Variants in FAN1 observed in about 807,000 individuals in gnomAD.
The protein encoded by FAN1 is FANCD2 and FANCI associated nuclease 1, also known as fanconi-associated nuclease 1.
A neutral mutation model predicts 104.9 loss-of-function variants in FAN1; 91 were observed. The observed-to-expected ratio is 0.87, with a 90% CI of 0.73 to 1.03. The LOEUF (loss-of-function observed/expected upper bound fraction) is 1.03, where lower values mean the gene tolerates loss of function less well. Ranked by LOEUF, FAN1 falls within the 50% of genes least tolerant of loss-of-function variation. FAN1 has a pLI of 0.00. For synonymous variants in FAN1, 478 were observed against 457.6 expected (o/e 1.04, Z -0.57); for missense variants, 1,263 against 1,239.9 (o/e 1.02, Z -0.28).
chr15:30,905,678 G>T lies in FAN1; in HGVS notation c.1015G>T (p.Ala339Ser), dbSNP rs1356513452. 3.7e-6 allele frequency: 6 copies of T among 1,613,960 alleles called. No homozygotes were observed. Among genetic ancestry groups the T allele is most frequent in the Non-Finnish European group, 5.1e-6 (6 of 1,179,954 alleles). Residue 339 changes from alanine to serine, a missense_variant, in exon 2 of 15, where the codon GCT (alanine) becomes TCT (serine). Physicochemically the swap from Ala to Ser is moderately conservative, Grantham distance 99 (BLOSUM62 1). Coordinates refer to ENST00000362065, the MANE Select transcript of FAN1 (RefSeq NM_014967.5). ...TTCTGCATGGAGTAACATCCAAGAG[G>T]CTCCTCTGCAGGATGACAGTTGCTT... ...DASAWSNIQE[A>S]PLQDDSCLNN...
intron 4 of FAN1, among the ~76,000 whole-genome samples, chr15:30,912,565 A>G (rs2062121042): frequency 6.6e-6 from 1 of 151,780 alleles, no homozygotes; most frequent in African/African-American, 2.4e-5. Flanking sequence ...TAGGAATCCC[A>G]CCCCTTCCCC....
In FAN1 at chr15:30,940,421, C is replaced by T. The variant is rs796479829; in HGVS notation, c.*4-1145C>T. ...TGAGAGAATCCATTTTTTTATTTCT[C>T]CTCTATTCCTAAGCATTAGGAACTA... On this transcript the variant is annotated intron_variant, in intron 14 of 14. Transcript: ENST00000362065. The T allele has an allele frequency of 1.7e-5, 17 of 985,220 alleles. No individual in the cohort carries two copies. In the South Asian group the frequency reaches 6.6e-4, roughly 38 times the overall value. The allele number at this position is 985,220 out of a possible 1,614,324, so 61.0% of individuals were successfully genotyped here.
chr15:30,929,225 C>G lies in FAN1; in HGVS notation c.2615C>G (p.Thr872Arg). ...CAGGCATTCCCCCTGGACTTGTGCACAGACAGCTTCTTCACAAGCAGACGC... is the reference window on the plus strand; with the variant it reads ...CAGGCATTCCCCCTGGACTTGTGCAGAGACAGCTTCTTCACAAGCAGACGC... The part of the protein sequence containing the change: ...ACQAFPLDLC[T>R]DSFFTSRRPA... Residue 872 changes from threonine (T) to arginine (R), a missense_variant, in exon 12 of 15, where the codon ACA (threonine) becomes AGA (arginine). Thr to Arg is a moderately conservative substitution (Grantham distance 71). Around this residue, in one of 2 missense-constraint regions of FAN1, gnomAD observed 581 missense variants for 668.8 expected, o/e 0.87. Transcript: ENST00000362065. The G allele has an allele frequency of 6.2e-7, 1 of 1,612,706 alleles. No individual in the cohort carries two copies. Among genetic ancestry groups the G allele is most frequent in the South Asian group, 1.1e-5 (1 of 90,840 alleles).
intron 4 of FAN1, chr15:30,911,293 A>G: frequency 1.0e-6 from 1 of 986,352 alleles, no homozygotes; most frequent in Non-Finnish European, 1.2e-6. Context: ...GAAAATTACA[A>G]AAACTTTTAG....
In FAN1 at chr15:30,911,859, C is replaced by G. The variant is rs1451673750; in HGVS notation, c.1577+1044C>G. On this transcript the variant is annotated intron_variant, in intron 4 of 14. Transcript: ENST00000362065. ...CAGGTGGATCACAAGATCAGGAGTT[C>G]GAGACCAGCCTGGCCAATATGGTAA... 5 of 205,642 alleles carry G rather than the reference C, an allele frequency of 2.4e-5. No homozygotes were observed. The South Asian group carries it at 8.5e-4, about 35-fold the overall frequency. 12.7% of individuals were successfully genotyped at this position (205,642 alleles called of 1,614,324 possible).
chr15:30,929,671 A>G (rs1367718705), intron 12 of FAN1, among the ~76,000 whole-genome samples: 1 of 67,674 alleles, frequency 1.5e-5, no homozygotes, highest in Non-Finnish European at 3.0e-5. Flanking sequence ...TGAAATATAT[A>G]ATATATCATA....
chr15:30,937,100 T>C lies in FAN1; in HGVS notation c.2917-19T>C, dbSNP rs1167358569. On this transcript the variant is annotated intron_variant, in intron 13 of 14. Transcript: ENST00000362065. ...TTCAGTAAGATACTAATAACAACTT[T>C]TAAAAATTTCTTTTCCAGCTGGTGG... 6.2e-7 allele frequency: 1 copy of C among 1,603,574 alleles called. No homozygotes were observed. Among genetic ancestry groups the C allele is most frequent in the East Asian group, 2.2e-5 (1 of 44,820 alleles).
intron 14 of FAN1, chr15:30,939,289 C>T (rs2062957659): frequency 1.0e-6 from 1 of 985,332 alleles, no homozygotes; most frequent in Non-Finnish European, 1.2e-6. Flanking sequence ...GAAATTTCAC[C>T]CAGTGCATCA....
At chr15:30,936,490 T>A (rs1421225398) in intron 13 of FAN1, among the ~76,000 whole-genome samples, 8 of 152,198 alleles carry the variant, frequency 5.3e-5, no homozygotes, top group Non-Finnish European at 1.0e-4. Context: ...TTTAAAACAA[T>A]TTTTCATTTG....
At chr15:30,918,838 C>G (rs1463375887) in intron 6 of FAN1, among the ~76,000 whole-genome samples, 1 of 152,034 alleles carries the variant, frequency 6.6e-6, no homozygotes, top group Non-Finnish European at 1.5e-5. Context: ...TTTTCAGATG[C>G]CACTTTGAAA....
chr15:30,929,168 G>T, intron 11 of FAN1, 35 bp from the exon 12 acceptor site: 14 of 1,594,568 alleles, frequency 8.8e-6, no homozygotes, highest in Non-Finnish European at 1.2e-5. Flanking sequence ...CTCTCTGCAG[G>T]CACAGTATGA....
chr15:30,910,862 C>G, intron 4 of FAN1, 47 bp downstream of exon 4: 1 of 1,567,992 alleles, frequency 6.4e-7, no homozygotes, highest in Non-Finnish European at 8.7e-7. Flanking sequence ...ATGTTGATAG[C>G]ACATATTAAC....
At chr15:30,931,454 T>C (rs2062708196) in intron 13 of FAN1, among the ~76,000 whole-genome samples, 1 of 152,260 alleles carries the variant, frequency 6.6e-6, no homozygotes, top group South Asian at 2.1e-4. Flanking sequence ...TTATTTGTTC[T>C]CTAGTGGATC....
chr15:30,922,365 A>G lies in FAN1; in HGVS notation c.2172+11A>G, dbSNP rs1251307442. On this transcript the variant is annotated intron_variant, in intron 8 of 14. Transcript: ENST00000362065. ...AAGCGCCTGGAACCGGTACTCAGTAACAAAACATATCTGAAACACCTTTTC... is the reference window on the plus strand; with the variant it reads ...AAGCGCCTGGAACCGGTACTCAGTAGCAAAACATATCTGAAACACCTTTTC... 1 of 1,589,586 alleles carries G rather than the reference A, an allele frequency of 6.3e-7. No homozygotes were observed. The highest frequency in any genetic ancestry group is 8.5e-7 in the Non-Finnish European group (1 of 1,174,034).
Position 30,928,775 on chromosome 15 carries a change from C to T in FAN1, c.2592+119C>T. The T allele has an allele frequency of 5.9e-6, 9 of 1,534,736 alleles. No homozygotes were observed. In the East Asian group the frequency reaches 1.6e-4, roughly 27 times the overall value. ...CCATCTCTGTTACGGTCCTTTGGGT[C>T]ATCCACAGGTCAAGATGATAACTTA... On this transcript the variant is annotated intron_variant, in intron 11 of 14. Transcript: ENST00000362065.
intron 14 of FAN1, chr15:30,939,907 TTTACCCA>T: frequency 1.0e-6 from 1 of 985,376 alleles, no homozygotes; most frequent in Non-Finnish European, 1.2e-6. Flanking sequence ...AAACCTTGGG[TTTACCCA>T]TAAAGTGAAT....
chr15:30,940,982 A>G, intron 14 of FAN1: 1 of 1,130,742 alleles, frequency 8.8e-7, no homozygotes, highest in Admixed American at 4.6e-5. Flanking sequence ...TGGCCCCAGA[A>G]CACTGAACCT....
rs1454447594 is a variant in FAN1, at chr15:30,933,912, C to G, written c.2917-3207C>G. On this transcript the variant is annotated intron_variant, in intron 13 of 14. Transcript: ENST00000362065. ...AGTAGCCCGAACTATAGGCATGCAC[C>G]ATCATGCCCAGCTGATTTTTTTTAT... Among the ~76,000 whole-genome samples, 3 of 152,236 alleles carry G rather than the reference C, an allele frequency of 2.0e-5. No homozygotes were observed. The East Asian group carries it at 5.8e-4, about 29-fold the overall frequency.
In FAN1 at chr15:30,920,666, G is replaced by T; in HGVS notation, c.2052+13G>T. ...TCACATGTATGAGGTTAGAGCACAG[G>T]TCCCTGCCCCCCACCATTACTGATG... On this transcript the variant is annotated intron_variant, in intron 7 of 14. Transcript: ENST00000362065. 6.7e-7 allele frequency: 1 copy of T among 1,482,748 alleles called. No homozygotes were observed. Among genetic ancestry groups the T allele is most frequent in the Non-Finnish European group, 9.3e-7 (1 of 1,070,100 alleles). The allele number at this position is 1,482,748 out of a possible 1,614,324, so 91.8% of individuals were successfully genotyped here.
Sources: allele counts gnomAD v4.1 joint callset (sites outside exome capture counted in the v4.1 genomes callset), GRCh38; gene constraint gnomAD v4.1.1; regional missense constraint gnomAD v4.1.1; transcripts MANE v1.5; gene names NCBI Gene and HGNC (gene_info 2026-07-23, HGNC 2026-07-21).